The following NKAIN2 variants were observed in gnomAD, a reference collection of about 807,000 sequenced individuals.
NKAIN2 encodes sodium/potassium-transporting ATPase subunit beta-1-interacting protein 2.
Under a neutral mutation model 32.6 loss-of-function variants are expected in NKAIN2, and 14 were observed. The ratio of observed to expected loss-of-function variants is 0.43; its 90% CI spans 0.28 to 0.67. The LOEUF (loss-of-function observed/expected upper bound fraction) is 0.67, where lower values mean the gene tolerates loss of function less well. NKAIN2 is among the 30% of genes least tolerant of loss of function. The pLI is 0.17. For synonymous variants in NKAIN2, 80 were observed against 87.2 expected, an observed-to-expected ratio of 0.92 and a Z score of 0.46; for missense variants, 198 against 258.3, an observed-to-expected ratio of 0.77 and a Z score of 1.60.
chr6:124,366,004 A>G (rs1315635934), intron 3 of NKAIN2, among the ~76,000 whole-genome samples: 1 of 152,060 alleles, frequency 6.6e-6, no homozygotes, highest in Non-Finnish European at 1.5e-5. Flanking sequence ...GGAAAAAATG[A>G]CCTTAAAGAG....
intron 1 of NKAIN2, among the ~76,000 whole-genome samples, chr6:124,089,299 G>T (rs1582621483): frequency 6.6e-6 from 1 of 151,682 alleles, no homozygotes; most frequent in African/African-American, 2.4e-5. Flanking sequence ...CCGTGATTCG[G>T]CCTGAAAGTC....
At chr6:123,829,929 A>G (rs971017578) in intron 1 of NKAIN2, among the ~76,000 whole-genome samples, 3 of 152,198 alleles carry the variant, frequency 2.0e-5, no homozygotes, top group East Asian at 3.8e-4. Context: ...GGGGACATGT[A>G]TATTGTTGTT....
intron 1 of NKAIN2, among the ~76,000 whole-genome samples, chr6:124,111,747 C>T (rs1785393681): frequency 6.6e-6 from 1 of 151,650 alleles, no homozygotes; most frequent in South Asian, 2.1e-4. Flanking sequence ...TGTATGTCTT[C>T]CTCTCTTGTT....
At position 124,778,124 on chromosome 6, in the gene NKAIN2, A is replaced by G. The variant is rs1460387762; in HGVS notation, c.475-13215A>G. On this transcript the variant is annotated intron_variant, in intron 4 of 6. Transcript: ENST00000368417. ...TGATAATGACAGCATCTTTAAAGGC[A>G]AGAAAAAAATGCAAACAGCTTGCTC... Among the ~76,000 whole-genome samples, 4 of 152,166 alleles carry G rather than the reference A, an allele frequency of 2.6e-5. No individual in the cohort carries two copies. In the South Asian group the frequency reaches 8.3e-4, roughly 32 times the overall value.
chr6:124,775,153 C>T (rs1350670550), intron 4 of NKAIN2, among the ~76,000 whole-genome samples: 3 of 152,152 alleles, frequency 2.0e-5, no homozygotes, highest in African/African-American at 7.2e-5. Flanking sequence ...TGCTTCATTT[C>T]TTTTAACAAC....
At chr6:124,515,713 C>CGTTTTTTTTTTTTTTTTTTTTTTTTT (rs1562232431) in intron 3 of NKAIN2, among the ~76,000 whole-genome samples, 1 of 67,736 alleles carries the variant, frequency 1.5e-5, no homozygotes, top group African/African-American at 5.2e-5. Flanking sequence ...TTCGCTTTCT[C>CGTTTTTTTTTTTTTTTTTTTTTTTTT]TCCGTCTCGC....
intron 1 of NKAIN2, among the ~76,000 whole-genome samples, chr6:123,958,243 A>G (rs1777688790): frequency 6.6e-6 from 1 of 152,170 alleles, no homozygotes; most frequent in Admixed American, 6.5e-5. Context: ...TTGAAGGAAA[A>G]AAAAAAATTG....
intron 1 of NKAIN2, among the ~76,000 whole-genome samples, chr6:123,813,435 G>T (rs1773560197): frequency 6.6e-6 from 1 of 152,208 alleles, no homozygotes; most frequent in Non-Finnish European, 1.5e-5. Context: ...GAAGTGCGGG[G>T]ATGATATTAG....
At chr6:124,155,177 A>G (rs1020023567) in intron 1 of NKAIN2, among the ~76,000 whole-genome samples, 1 of 152,126 alleles carries the variant, frequency 6.6e-6, no homozygotes, top group African/African-American at 2.4e-5. Context: ...TATCTGGATG[A>G]TTGCTTTAAA....
chr6:124,672,178 T>G (rs1773139971), intron 4 of NKAIN2, among the ~76,000 whole-genome samples: 1 of 152,036 alleles, frequency 6.6e-6, no homozygotes, highest in Non-Finnish European at 1.5e-5. Context: ...ATGAAAGAAT[T>G]ATAAGTCTGC....
intron 3 of NKAIN2, among the ~76,000 whole-genome samples, chr6:124,560,074 T>G (rs537147083): frequency 6.6e-6 from 1 of 152,178 alleles, no homozygotes; most frequent in African/African-American, 2.4e-5. Context: ...TTTGTATTAT[T>G]TATCGACAAG....
chr6:124,703,045 A>G (rs1304965974), intron 4 of NKAIN2, among the ~76,000 whole-genome samples: 1 of 152,094 alleles, frequency 6.6e-6, no homozygotes, highest in Non-Finnish European at 1.5e-5. Flanking sequence ...ATGCAAAAAA[A>G]GGGCATTACT....
At chr6:124,743,565 T>C (rs1022509323) in intron 4 of NKAIN2, among the ~76,000 whole-genome samples, 2 of 151,856 alleles carry the variant, frequency 1.3e-5, no homozygotes, top group African/African-American at 4.8e-5. Flanking sequence ...TCTGGAAATG[T>C]GGAAACCTTA....
At chr6:124,309,682 A>G (rs1796641312) in intron 2 of NKAIN2, among the ~76,000 whole-genome samples, 1 of 152,122 alleles carries the variant, frequency 6.6e-6, no homozygotes, top group Non-Finnish European at 1.5e-5. Context: ...TGTCTTTGTC[A>G]TCTCAATTGT....
intron 3 of NKAIN2, among the ~76,000 whole-genome samples, chr6:124,654,892 A>G (rs1232368314): frequency 6.6e-6 from 1 of 152,162 alleles, no homozygotes; most frequent in Non-Finnish European, 1.5e-5. Flanking sequence ...CCAGGATCTT[A>G]GAATTTTGGC....
intron 1 of NKAIN2, among the ~76,000 whole-genome samples, chr6:124,122,992 A>G (rs1172093615): frequency 6.6e-6 from 1 of 152,162 alleles, no homozygotes; most frequent in African/African-American, 2.4e-5. Flanking sequence ...TTTAGTTAAA[A>G]TTATCTGTAG....
intron 5 of NKAIN2, among the ~76,000 whole-genome samples, chr6:124,793,940 T>G (rs923478594): frequency 6.6e-6 from 1 of 151,488 alleles, no homozygotes; most frequent in Non-Finnish European, 1.5e-5. Context: ...TGGGAAGGAG[T>G]GGGGTCAGCC....
At chr6:123,893,719 A>G (rs1478176807) in intron 1 of NKAIN2, among the ~76,000 whole-genome samples, 1 of 152,250 alleles carries the variant, frequency 6.6e-6, no homozygotes, top group East Asian at 1.9e-4. Flanking sequence ...AATAAAAGGC[A>G]GCTATGAAGC....
At chr6:123,961,784 A>G (rs1040646918) in intron 1 of NKAIN2, among the ~76,000 whole-genome samples, 2 of 152,142 alleles carry the variant, frequency 1.3e-5, no homozygotes, top group Non-Finnish European at 2.9e-5. Context: ...TACGTTGTTA[A>G]TGTTAATTTG....
Sources: gnomAD v4.1 joint callset for allele counts (sites outside exome capture counted in the v4.1 genomes callset) on GRCh38, gnomAD v4.1.1 for gene constraint, MANE v1.5 for transcripts, NCBI Gene and HGNC (gene_info 2026-07-23, HGNC 2026-07-21) for gene names.